SLC35F1: variants seen among roughly 807,000 people sequenced by gnomAD.
SLC35F1 encodes chromosome 6 open reading frame 169.
A neutral mutation model predicts 48.7 loss-of-function variants in SLC35F1; 14 were observed. The observed-to-expected ratio is 0.29, with a 90% CI of 0.19 to 0.45. The LOEUF is 0.45. SLC35F1 is among the 20% of genes least tolerant of loss of function. SLC35F1 has a pLI of 1.00. For synonymous variants in SLC35F1, 190 were observed against 202.2 expected, an observed-to-expected ratio of 0.94 and a Z score of 0.51; for missense variants, 404 against 500.0, an observed-to-expected ratio of 0.81 and a Z score of 1.83.
At chr6:117,932,991 G>A (rs1776120952) in intron 1 of SLC35F1, among the ~76,000 whole-genome samples, 1 of 152,222 alleles carries the variant, frequency 6.6e-6, no homozygotes, top group African/African-American at 2.4e-5. Flanking sequence ...TACTAAAACT[G>A]TAAGGATAAG....
chr6:118,128,720 C>G (rs2999023), intron 1 of SLC35F1, among the ~76,000 whole-genome samples: 147,987 of 151,260 alleles, frequency 0.98, 72,483 homozygotes, highest in Middle Eastern at 1. Flanking sequence ...TAAATGACGA[C>G]TTAATGGGTG....
intron 1 of SLC35F1, among the ~76,000 whole-genome samples, chr6:118,078,445 A>G (rs188137014): frequency 6.6e-6 from 1 of 152,350 alleles, no homozygotes; most frequent in African/African-American, 2.4e-5. Flanking sequence ...ATTGCAATAT[A>G]TACTCTATTG....
rs556491405 is a variant in SLC35F1 at position 118,207,973 on chromosome 6, A to G, written c.350-27536A>G. On this transcript the variant is annotated intron_variant, in intron 2 of 7. Transcript: ENST00000360388. Reference sequence around the variant, plus strand: ...GGCGATGATTTCTGTTCTGAGTAGAAAGCTGGAAGTCATAAGGCCCTTGAA... The same window carrying G: ...GGCGATGATTTCTGTTCTGAGTAGAGAGCTGGAAGTCATAAGGCCCTTGAA... Among the ~76,000 whole-genome samples, 3 of 152,332 alleles carry G rather than the reference A, an allele frequency of 2.0e-5. No individual in the cohort carries two copies. In the South Asian group the frequency reaches 6.2e-4, roughly 32 times the overall value.
At chr6:118,268,934 T>G (rs1463144677) in intron 4 of SLC35F1, among the ~76,000 whole-genome samples, 1 of 152,148 alleles carries the variant, frequency 6.6e-6, no homozygotes, top group African/African-American at 2.4e-5. Flanking sequence ...CATTACACTT[T>G]CTCAGCTTTC....
chr6:118,163,816 C>T (rs1398380069), intron 2 of SLC35F1, among the ~76,000 whole-genome samples: 2 of 152,180 alleles, frequency 1.3e-5, no homozygotes, highest in African/African-American at 2.4e-5. Flanking sequence ...TTACAATCAT[C>T]TTTCTCATGA....
chr6:118,313,890 T>C, intron 7 of SLC35F1, 138 bp from the exon 8 acceptor site: 2 of 719,486 alleles, frequency 2.8e-6, no homozygotes, highest in South Asian at 1.7e-5. Context: ...AAATTCATTC[T>C]CCATCAACGG....
At chr6:118,247,176 G>A (rs1419689616) in intron 3 of SLC35F1, among the ~76,000 whole-genome samples, 2 of 152,174 alleles carry the variant, frequency 1.3e-5, no homozygotes, top group Non-Finnish European at 2.9e-5. Flanking sequence ...AATTTAAGAG[G>A]AATGGTGAAT....
intron 1 of SLC35F1, among the ~76,000 whole-genome samples, chr6:118,034,242 C>G (rs1372012832): frequency 6.6e-6 from 1 of 151,856 alleles, no homozygotes; most frequent in African/African-American, 2.4e-5. Flanking sequence ...TCTTAGCATA[C>G]AAAAATATGT....
chr6:118,027,347 ACT>A (rs1012022470), intron 1 of SLC35F1, among the ~76,000 whole-genome samples: 2 of 151,942 alleles, frequency 1.3e-5, no homozygotes, highest in Non-Finnish European at 1.5e-5. Context: ...TGTTTGTATA[ACT>A]CTGTAAGAAA....
intron 3 of SLC35F1, among the ~76,000 whole-genome samples, chr6:118,254,551 G>C (rs975270084): frequency 9.2e-5 from 14 of 152,108 alleles, no homozygotes; most frequent in African/African-American, 2.9e-4. Context: ...CAAAATGCTA[G>C]TACAGATGTG....
intron 1 of SLC35F1, among the ~76,000 whole-genome samples, chr6:118,053,639 T>A (rs1391182480): frequency 1.3e-5 from 2 of 152,168 alleles, no homozygotes; most frequent in East Asian, 3.8e-4. Context: ...TGGTTAACAT[T>A]TCCCATATTG....
intron 1 of SLC35F1, among the ~76,000 whole-genome samples, chr6:117,990,720 C>G (rs373585114): frequency 6.6e-6 from 1 of 151,994 alleles, no homozygotes; most frequent in Non-Finnish European, 1.5e-5. Context: ...AGGCCTTTGT[C>G]CTTTTAAAAT....
At chr6:118,203,954 G>A (rs1370644500) in intron 2 of SLC35F1, among the ~76,000 whole-genome samples, 1 of 152,108 alleles carries the variant, frequency 6.6e-6, no homozygotes, top group Admixed American at 6.6e-5. Flanking sequence ...TTATATACTA[G>A]TGGGGAAGAC....
At position 118,148,533 on chromosome 6, in the gene SLC35F1, T is replaced by C. The variant is rs550756352; in HGVS notation, c.174-5912T>C. 2.0e-5 allele frequency among the ~76,000 whole-genome samples: 3 copies of C among 152,312 alleles called. No homozygotes were observed. In the East Asian group the frequency reaches 5.8e-4, roughly 29 times the overall value. Reference sequence around the variant, plus strand: ...GCTCTATTATAACAGGTATTTAGCTTCCAGCAGCACTATTTTTCTTGAGAC... The same window carrying C: ...GCTCTATTATAACAGGTATTTAGCTCCCAGCAGCACTATTTTTCTTGAGAC... On this transcript the variant is annotated intron_variant, in intron 1 of 7. Transcript: ENST00000360388.
chr6:118,182,662 A>G (rs1224319879), intron 2 of SLC35F1, among the ~76,000 whole-genome samples: 6 of 152,106 alleles, frequency 3.9e-5, no homozygotes, highest in Non-Finnish European at 8.8e-5. Flanking sequence ...TGAGGCCAGG[A>G]GTTCAAGACC....
At chr6:118,012,619 T>C (rs565344792) in intron 1 of SLC35F1, among the ~76,000 whole-genome samples, 1 of 152,334 alleles carries the variant, frequency 6.6e-6, no homozygotes, top group East Asian at 1.9e-4. Flanking sequence ...GAAGTGAGAA[T>C]ATGCTTCACT....
intron 1 of SLC35F1, among the ~76,000 whole-genome samples, chr6:118,143,870 G>C (rs2114448017): frequency 6.6e-6 from 1 of 152,276 alleles, no homozygotes; most frequent in South Asian, 2.1e-4. Flanking sequence ...GTCTCAGCTA[G>C]TTAGTGGCAG....
chr6:117,967,260 G>C (rs145766422), intron 1 of SLC35F1, among the ~76,000 whole-genome samples: 1 of 151,932 alleles, frequency 6.6e-6, no homozygotes, highest in Non-Finnish European at 1.5e-5. Flanking sequence ...CTGGAAGAAG[G>C]ATAGAAAATA....
chr6:118,075,671 T>C (rs1413152702), intron 1 of SLC35F1, among the ~76,000 whole-genome samples: 1 of 152,266 alleles, frequency 6.6e-6, no homozygotes, highest in South Asian at 2.1e-4. Flanking sequence ...GCTTTATTTC[T>C]GGAAACAACA....
Sources: allele counts gnomAD v4.1 joint callset (sites outside exome capture counted in the v4.1 genomes callset), GRCh38; gene constraint gnomAD v4.1.1; transcripts MANE v1.5; gene names NCBI Gene and HGNC (gene_info 2026-07-23, HGNC 2026-07-21).